Variants in HMGN5 observed in about 807,000 individuals in gnomAD.
The protein encoded by HMGN5 is high mobility group nucleosome binding domain 5.
A neutral mutation model predicts 9.5 loss-of-function variants in HMGN5; 4 were observed. The ratio of observed to expected loss-of-function variants is 0.42; its 90% confidence interval spans 0.21 to 0.96. HMGN5 has a LOEUF of 0.96. Ranked by LOEUF, HMGN5 falls within the 40% of genes least tolerant of loss-of-function variation. The pLI, the probability that HMGN5 is intolerant of heterozygous loss-of-function variation, is 0.30. For synonymous variants in HMGN5, 55 were observed against 57.1 expected (o/e 0.96, Z 0.16); for missense variants, 192 against 187.5 (o/e 1.02, Z -0.14).
chrX:81,186,182 G>C (rs933666882), intron 1 of HMGN5, among the ~76,000 whole-genome samples: 1 of 111,740 alleles, frequency 8.9e-6, no homozygotes, highest in African/African-American at 3.2e-5. Flanking sequence ...GTGTGAGTAG[G>C]TTGGTATTAA....
chrX:81,190,320 C>T (rs2075490548), intron 1 of HMGN5, among the ~76,000 whole-genome samples: 1 of 111,249 alleles, frequency 9.0e-6, no homozygotes. Flanking sequence ...AAGTATAATT[C>T]ATATATTATA....
intron 1 of HMGN5, among the ~76,000 whole-genome samples, chrX:81,125,911 G>A (rs892171535): frequency 1.8e-5 from 2 of 110,822 alleles, no homozygotes; most frequent in Admixed American, 9.6e-5. Context: ...TCTTTGGGAC[G>A]CTGAGGCGGG....
intron 1 of HMGN5, among the ~76,000 whole-genome samples, chrX:81,181,376 C>T (rs1323051427): frequency 1.8e-5 from 2 of 111,176 alleles, no homozygotes; most frequent in Non-Finnish European, 3.8e-5. Flanking sequence ...TATTTTGATA[C>T]AGACATGCAA....
intron 1 of HMGN5, among the ~76,000 whole-genome samples, chrX:81,152,511 A>G (rs1233883601): frequency 2.7e-5 from 3 of 109,945 alleles, no homozygotes; most frequent in African/African-American, 9.9e-5. Context: ...GCTGGAGAGG[A>G]TGTGGAGAAA....
chrX:81,116,114 A>G, intron 6 of HMGN5, 90 bp downstream of exon 6: 1 of 674,484 alleles, frequency 1.5e-6, no homozygotes, highest in Non-Finnish European at 2.2e-6. Flanking sequence ...TTTTTTTCCA[A>G]CTTATAAACT....
chrX:81,198,475 T>C (rs1000426721), intron 1 of HMGN5, among the ~76,000 whole-genome samples: 43 of 111,053 alleles, frequency 3.9e-4, no homozygotes, highest in African/African-American at 1.4e-3. Context: ...GTGAAAATCC[T>C]CAGTAAAATA....
chrX:81,184,576 GCTTTGTTTTGT>G (rs2075472074), intron 1 of HMGN5, among the ~76,000 whole-genome samples: 1 of 105,943 alleles, frequency 9.4e-6, no homozygotes, highest in African/African-American at 3.5e-5. Context: ...TTTTTGTTTT[GCTTTGTTTTGT>G]CTTTGTTTTT....
chrX:81,127,436 C>G (rs917641817), intron 1 of HMGN5, among the ~76,000 whole-genome samples: 4 of 111,425 alleles, frequency 3.6e-5, no homozygotes, highest in Admixed American at 1.9e-4. Flanking sequence ...TGTTAGAAAC[C>G]AACATCTTTA....
intron 1 of HMGN5, among the ~76,000 whole-genome samples, chrX:81,130,299 G>T (rs5959817): frequency 0.018 from 2,050 of 111,275 alleles, 42 homozygotes; most frequent in African/African-American, 0.063. Context: ...AGTAAGATAT[G>T]CTTTAAATTA....
At chrX:81,140,439 A>G (rs992009225) in intron 1 of HMGN5, among the ~76,000 whole-genome samples, 4 of 109,196 alleles carry the variant, frequency 3.7e-5, no homozygotes, top group Non-Finnish European at 7.6e-5. Flanking sequence ...GGGCGCCTGT[A>G]GTCCCAGCTA....
rs780077558 is a variant in HMGN5 at position 81,180,213 on chromosome X, T to G, written c.-124+21524A>C. 3.3e-3 allele frequency among the ~76,000 whole-genome samples: 370 copies of G among 111,268 alleles called. 2 individuals carry two copies. Among genetic ancestry groups the G allele is most frequent in the African/African-American group, 0.012 (354 of 30,588 alleles). On this transcript the variant is annotated intron_variant, in intron 1 of 6. Transcript: ENST00000358130. ...CCAAAATTGACAAACGGGATCTAAT[T>G]AAACTAAAGAGCTTTTGCACAGCAA...
chrX:81,199,668 T>C (rs1425732764), intron 1 of HMGN5, among the ~76,000 whole-genome samples: 1 of 112,244 alleles, frequency 8.9e-6, no homozygotes. Flanking sequence ...GAAAACTGGC[T>C]AGCCATATGT....
chrX:81,140,484 C>T (rs939372693), intron 1 of HMGN5, among the ~76,000 whole-genome samples: 20 of 104,500 alleles, frequency 1.9e-4, no homozygotes, highest in African/African-American at 6.8e-4. Context: ...GGCGTGAACC[C>T]GGAAGGGGGA....
At chrX:81,195,709 G>A (rs1323998846) in intron 1 of HMGN5, among the ~76,000 whole-genome samples, 6 of 111,817 alleles carry the variant, frequency 5.4e-5, no homozygotes, top group African/African-American at 2.0e-4. Context: ...CTATCAGAAG[G>A]TTTTGGAAAT....
chrX:81,115,268 G>T (rs746042045), intron 6 of HMGN5, 38 bp from the exon 7 acceptor site: 14 of 1,104,743 alleles, frequency 1.3e-5, no homozygotes, highest in Admixed American at 3.2e-5. Context: ...GATTCTGTCT[G>T]TAAATTTAGA....
intron 1 of HMGN5, among the ~76,000 whole-genome samples, chrX:81,181,299 G>C (rs189037472): frequency 9.0e-6 from 1 of 110,721 alleles, no homozygotes; most frequent in Non-Finnish European, 1.9e-5. Flanking sequence ...TAAATTTTTT[G>C]GTTTTTTATT....
chrX:81,185,389 T>A (rs912252046), intron 1 of HMGN5, among the ~76,000 whole-genome samples: 5 of 111,398 alleles, frequency 4.5e-5, no homozygotes, highest in African/African-American at 1.6e-4. Flanking sequence ...GCAAATGGGG[T>A]TACTTTCTTG....
At chrX:81,150,983 C>T (rs1247300060) in intron 1 of HMGN5, among the ~76,000 whole-genome samples, 1 of 111,602 alleles carries the variant, frequency 9.0e-6, no homozygotes, top group Non-Finnish European at 1.9e-5. Context: ...GAAAAAGTAT[C>T]CCAGTAAAGA....
intron 1 of HMGN5, among the ~76,000 whole-genome samples, chrX:81,179,463 G>C (rs1200783897): frequency 9.0e-6 from 1 of 111,292 alleles, no homozygotes; most frequent in African/African-American, 3.3e-5. Flanking sequence ...TTGCTAAAAA[G>C]AGAATAAAAT....
Sources: allele counts gnomAD v4.1 joint callset (sites outside exome capture counted in the v4.1 genomes callset), GRCh38; gene constraint gnomAD v4.1.1; transcripts MANE v1.5; gene names NCBI Gene and HGNC (gene_info 2026-07-23, HGNC 2026-07-21).